The following EYS variants were observed in gnomAD, a reference collection of about 807,000 sequenced individuals.
The protein encoded by EYS is protein eyes shut homolog.
Under a neutral mutation model 282.1 loss-of-function variants are expected in EYS, and 250 were observed. The observed-to-expected ratio is 0.89, with a 90% CI of 0.80 to 0.98. The LOEUF (loss-of-function observed/expected upper bound fraction) is 0.98, where lower values mean the gene tolerates loss of function less well. Ranked by LOEUF, EYS falls within the 50% of genes least tolerant of loss-of-function variation. The pLI is 0.00. For synonymous variants in EYS, 1,355 were observed against 1,282.9 expected (o/e 1.06, Z -1.20); for missense variants, 4,016 against 3,709.0 (o/e 1.08, Z -2.15).
At chr6:64,795,536 TTCTGAGGACCAAAG>T (rs1774329896) in intron 22 of EYS, among the ~76,000 whole-genome samples, 1 of 152,192 alleles carries the variant, frequency 6.6e-6, no homozygotes, top group African/African-American at 2.4e-5. Context: ...TGGAATTGAA[TTCTGAGGACCAAAG>T]TCTTGAACTT....
intron 35 of EYS, among the ~76,000 whole-genome samples, chr6:63,959,892 A>G (rs1251645553): frequency 6.6e-6 from 1 of 152,154 alleles, no homozygotes; most frequent in Non-Finnish European, 1.5e-5. Flanking sequence ...AAGCATTAGG[A>G]CAAATAGCTA....
chr6:64,994,600 C>A (rs190119752), intron 14 of EYS, among the ~76,000 whole-genome samples: 222 of 152,020 alleles, frequency 1.5e-3, no homozygotes, highest in African/African-American at 5.2e-3. Context: ...CAACTCTGTG[C>A]CTTTCTAATT....
chr6:64,635,332 T>A (rs1451345030), intron 22 of EYS, among the ~76,000 whole-genome samples: 1 of 152,174 alleles, frequency 6.6e-6, no homozygotes, highest in Non-Finnish European at 1.5e-5. Context: ...CCCGCCTGAT[T>A]GCCCTGGCCA....
At chr6:65,345,778 G>C (rs941543784) in intron 9 of EYS, among the ~76,000 whole-genome samples, 1 of 150,520 alleles carries the variant, frequency 6.6e-6, no homozygotes, top group Admixed American at 6.6e-5. Context: ...TAAAACAAAC[G>C]TTTTAACCCA....
chr6:65,482,468 A>T (rs1187233860), intron 5 of EYS, among the ~76,000 whole-genome samples: 4 of 152,202 alleles, frequency 2.6e-5, no homozygotes, highest in African/African-American at 9.6e-5. Context: ...TCCAAACTCT[A>T]TCAGAATTGA....
chr6:64,843,926 T>C (rs1022227086), intron 19 of EYS, among the ~76,000 whole-genome samples: 2 of 152,106 alleles, frequency 1.3e-5, no homozygotes, highest in East Asian at 1.9e-4. Flanking sequence ...TGGGAGATAA[T>C]TGAATCATGG....
intron 1 of EYS, among the ~76,000 whole-genome samples, chr6:65,660,704 T>C (rs753904961): frequency 6.6e-6 from 1 of 151,874 alleles, no homozygotes; most frequent in Non-Finnish European, 1.5e-5. Context: ...AACAGACATA[T>C]GCAATGCTTA....
intron 31 of EYS, among the ~76,000 whole-genome samples, chr6:64,186,130 C>G (rs1764937750): frequency 6.6e-6 from 1 of 152,090 alleles, no homozygotes; most frequent in Non-Finnish European, 1.5e-5. Context: ...AGCGACTCCT[C>G]AGGTCCCACC....
intron 32 of EYS, among the ~76,000 whole-genome samples, chr6:64,080,277 T>G (rs1431241454): frequency 6.6e-6 from 1 of 152,200 alleles, no homozygotes; most frequent in Non-Finnish European, 1.5e-5. Flanking sequence ...GGTATCTCAT[T>G]GTGGTTTTGA....
At chr6:65,124,562 T>C (rs1240596845) in intron 12 of EYS, among the ~76,000 whole-genome samples, 1 of 152,212 alleles carries the variant, frequency 6.6e-6, no homozygotes, top group Non-Finnish European at 1.5e-5. Flanking sequence ...GAACAATATA[T>C]GCATTACTTC....
Position 64,886,037 on chromosome 6 carries a change from G to T in EYS, c.2992+660C>A, listed in dbSNP as rs1172090864. On this transcript the variant is annotated intron_variant, in intron 19 of 42. Transcript: ENST00000503581. ...ATTGTAATCTCTGTGGGAATTGTCT[G>T]AAAAAATACATATGAAACAAAATAA... 8.6e-5 allele frequency among the ~76,000 whole-genome samples: 13 copies of T among 151,048 alleles called. No individual in the cohort carries two copies. The South Asian group carries it at 2.5e-3, about 29-fold the overall frequency.
intron 26 of EYS, among the ~76,000 whole-genome samples, chr6:64,468,693 C>T (rs1482685052): frequency 6.6e-6 from 1 of 152,160 alleles, no homozygotes; most frequent in African/African-American, 2.4e-5. Flanking sequence ...GTCTGCTGTT[C>T]CTTTCTTTGT....
intron 31 of EYS, among the ~76,000 whole-genome samples, chr6:64,127,972 A>G (rs1773840311): frequency 6.6e-6 from 1 of 152,172 alleles, no homozygotes; most frequent in Non-Finnish European, 1.5e-5. Flanking sequence ...CAGAAATTTA[A>G]CAAATATATT....
intron 35 of EYS, among the ~76,000 whole-genome samples, chr6:63,889,253 C>T (rs970849852): frequency 2.0e-5 from 3 of 152,128 alleles, no homozygotes; most frequent in Admixed American, 6.6e-5. Context: ...CCTAGCAAGA[C>T]AGGCCAACAT....
chr6:64,174,456 C>T (rs950814717), intron 31 of EYS, among the ~76,000 whole-genome samples: 10 of 151,652 alleles, frequency 6.6e-5, no homozygotes, highest in African/African-American at 2.4e-4. Context: ...ATGTTATAAT[C>T]TTTTTATCAT....
chr6:63,878,873 G>T (rs997964604), intron 35 of EYS, among the ~76,000 whole-genome samples: 7 of 152,154 alleles, frequency 4.6e-5, no homozygotes, highest in African/African-American at 1.7e-4. Context: ...GGTACTGTCT[G>T]TCATGGCCTC....
chr6:64,319,063 C>A (rs954681832), intron 29 of EYS, among the ~76,000 whole-genome samples: 4 of 151,628 alleles, frequency 2.6e-5, no homozygotes, highest in African/African-American at 9.7e-5. Flanking sequence ...ACTTTTGAAT[C>A]AGTAAAGTCC....
chr6:64,655,262 TAA>T (rs1246550251), intron 22 of EYS, among the ~76,000 whole-genome samples: 6 of 152,128 alleles, frequency 3.9e-5, no homozygotes, highest in Non-Finnish European at 7.4e-5. Context: ...TGAACTGCAT[TAA>T]GAGAGATGAT....
intron 26 of EYS, among the ~76,000 whole-genome samples, chr6:64,487,209 G>A (rs977847457): frequency 6.6e-6 from 1 of 150,808 alleles, no homozygotes; most frequent in Non-Finnish European, 1.5e-5. Context: ...CATTTTTGAA[G>A]AAAATCTTAG....
Sources: allele counts gnomAD v4.1 joint callset (sites outside exome capture counted in the v4.1 genomes callset), GRCh38; gene constraint gnomAD v4.1.1; transcripts MANE v1.5; gene names NCBI Gene and HGNC (gene_info 2026-07-23, HGNC 2026-07-21).